The following ELMO1 variants were observed in gnomAD, a reference collection of about 807,000 sequenced individuals.
ELMO1 encodes the protein engulfment and cell motility 1.
A neutral mutation model predicts 98.9 loss-of-function variants in ELMO1; 26 were observed. That is an observed-to-expected ratio of 0.26 (90% confidence interval 0.19 to 0.36). ELMO1 has a LOEUF of 0.36. Ranked by LOEUF, ELMO1 falls within the 10% of genes least tolerant of loss-of-function variation. The pLI is 1.00. For missense variants in ELMO1, 627 were observed against 935.2 expected, an observed-to-expected ratio of 0.67 and a Z score of 4.30; for synonymous variants, 346 against 346.0, an observed-to-expected ratio of 1.00 and a Z score of 0.00.
chr7:36,856,472 G>C (rs1006821240), intron 21 of ELMO1, among the ~76,000 whole-genome samples: 26 of 152,294 alleles, frequency 1.7e-4, no homozygotes, highest in African/African-American at 5.8e-4. Context: ...CCAGGTCTCT[G>C]GGGCCTCATA....
At chr7:37,349,933 C>T (rs1488137020) in intron 1 of ELMO1, among the ~76,000 whole-genome samples, 3 of 152,142 alleles carry the variant, frequency 2.0e-5, no homozygotes, top group South Asian at 2.1e-4. Context: ...TACATGAAGT[C>T]GGTGGTGTGG....
At chr7:37,031,093 A>T (rs970677045) in intron 15 of ELMO1, among the ~76,000 whole-genome samples, 1 of 152,024 alleles carries the variant, frequency 6.6e-6, no homozygotes, top group Non-Finnish European at 1.5e-5. Context: ...ACTGCCACTG[A>T]CCTTGGTTCA....
At chr7:37,134,668 C>T (rs1245786648) in intron 13 of ELMO1, among the ~76,000 whole-genome samples, 1 of 151,916 alleles carries the variant, frequency 6.6e-6, no homozygotes, top group African/African-American at 2.4e-5. Flanking sequence ...CCTATGTGTC[C>T]ACCAATGGAT....
intron 15 of ELMO1, among the ~76,000 whole-genome samples, chr7:37,026,802 CCTT>C (rs1350934427): frequency 2.6e-5 from 4 of 152,160 alleles, no homozygotes; most frequent in African/African-American, 7.2e-5. Flanking sequence ...TTCATTTCCT[CCTT>C]CTATTTGGAT....
intron 1 of ELMO1, among the ~76,000 whole-genome samples, chr7:37,408,425 T>C (rs948642787): frequency 1.3e-5 from 2 of 152,042 alleles, no homozygotes; most frequent in South Asian, 2.1e-4. Flanking sequence ...TGGTAGGAAG[T>C]GGAAAAAATA....
intron 15 of ELMO1, among the ~76,000 whole-genome samples, chr7:37,089,558 G>A (rs562709029): frequency 1.3e-5 from 2 of 152,310 alleles, no homozygotes; most frequent in South Asian, 4.1e-4. Context: ...CAGTAATGCA[G>A]TGGAGCCCTA....
At chr7:37,350,144 CTAA>C (rs1242519444) in intron 1 of ELMO1, among the ~76,000 whole-genome samples, 1 of 152,110 alleles carries the variant, frequency 6.6e-6, no homozygotes, top group East Asian at 1.9e-4. Context: ...AGCCCGGGGC[CTAA>C]GAGGAAGTTT....
At chr7:37,197,447 C>T (rs1248959319) in intron 13 of ELMO1, among the ~76,000 whole-genome samples, 4 of 152,210 alleles carry the variant, frequency 2.6e-5, no homozygotes, top group Non-Finnish European at 4.4e-5. Context: ...CGAGTCTGGA[C>T]GTCGTGCTCA....
intron 16 of ELMO1, among the ~76,000 whole-genome samples, chr7:36,927,801 G>A (rs1785703214): frequency 6.6e-6 from 1 of 152,176 alleles, no homozygotes; most frequent in Admixed American, 6.5e-5. Context: ...TGAGTGACAG[G>A]GGCCCAAGGG....
chr7:37,033,921 C>CA (rs959823776), intron 15 of ELMO1, among the ~76,000 whole-genome samples: 4 of 152,068 alleles, frequency 2.6e-5, no homozygotes, highest in Non-Finnish European at 5.9e-5. Context: ...GTAACTCTCT[C>CA]AATTAGGTTT....
chr7:37,043,337 A>G (rs1795628410), intron 15 of ELMO1, among the ~76,000 whole-genome samples: 1 of 152,202 alleles, frequency 6.6e-6, no homozygotes, highest in African/African-American at 2.4e-5. Flanking sequence ...CATCTTATTA[A>G]AGGCTGCCAG....
intron 8 of ELMO1, among the ~76,000 whole-genome samples, chr7:37,231,319 T>A (rs1202304501): frequency 7.8e-6 from 1 of 127,952 alleles, no homozygotes; most frequent in Non-Finnish European, 1.7e-5. Flanking sequence ...TCCCCTAAGA[T>A]AATGATTAAT....
intron 15 of ELMO1, among the ~76,000 whole-genome samples, chr7:37,020,014 G>A (rs984815714): frequency 3.3e-5 from 5 of 152,192 alleles, no homozygotes; most frequent in Admixed American, 2.0e-4. Flanking sequence ...ACTGGGTAAT[G>A]TGTAGTGGGG....
intron 5 of ELMO1, among the ~76,000 whole-genome samples, chr7:37,261,126 A>C (rs1795956765): frequency 7.9e-6 from 1 of 125,988 alleles, no homozygotes; most frequent in Non-Finnish European, 1.6e-5. Context: ...CAATATAAAA[A>C]ATAGCCAAGT....
chr7:36,978,569 G>A (rs1477334895), intron 16 of ELMO1, among the ~76,000 whole-genome samples: 2 of 152,156 alleles, frequency 1.3e-5, no homozygotes, highest in South Asian at 2.1e-4. Flanking sequence ...AAGAGTTGGG[G>A]TAGGATGGCT....
At chr7:36,991,113 C>G (rs745570287) in intron 16 of ELMO1, among the ~76,000 whole-genome samples, 7 of 152,152 alleles carry the variant, frequency 4.6e-5, no homozygotes, top group Non-Finnish European at 8.8e-5. Context: ...TACGCTGCAA[C>G]CAGTTTTGTT....
At chr7:37,113,593 G>C (rs542225226) in intron 14 of ELMO1, among the ~76,000 whole-genome samples, 6 of 152,126 alleles carry the variant, frequency 3.9e-5, no homozygotes, top group Non-Finnish European at 5.9e-5. Flanking sequence ...AAGGCCCAGA[G>C]ACCAGAGGTA....
At chr7:36,982,822 C>T (rs971600334) in intron 16 of ELMO1, among the ~76,000 whole-genome samples, 2 of 152,208 alleles carry the variant, frequency 1.3e-5, no homozygotes, top group Non-Finnish European at 2.9e-5. Flanking sequence ...ATTTATAAAA[C>T]AGATAGAAGG....
chr7:37,004,993 C>G (rs1004862191), intron 16 of ELMO1, among the ~76,000 whole-genome samples: 3 of 150,466 alleles, frequency 2.0e-5, no homozygotes, highest in Non-Finnish European at 2.9e-5. Context: ...CCTGTAATCC[C>G]AGCTACTCAG....
Sources: allele counts gnomAD v4.1 joint callset (sites outside exome capture counted in the v4.1 genomes callset), GRCh38; gene constraint gnomAD v4.1.1; transcripts MANE v1.5; gene names NCBI Gene and HGNC (gene_info 2026-07-23, HGNC 2026-07-21).